Variants in FRMD4A observed in about 807,000 individuals in gnomAD.
The protein encoded by FRMD4A is FERM domain-containing protein 4A.
A neutral mutation model predicts 129.1 loss-of-function variants in FRMD4A; 29 were observed. The observed-to-expected ratio is 0.22, with a 90% CI of 0.17 to 0.31. The LOEUF (loss-of-function observed/expected upper bound fraction) is 0.31, where lower values mean the gene tolerates loss of function less well. Ranked by LOEUF, FRMD4A falls within the 10% of genes least tolerant of loss-of-function variation. The pLI, the probability that FRMD4A is intolerant of heterozygous loss-of-function variation, is 1.00. For missense variants in FRMD4A, 1,272 were observed against 1,375.8 expected, an observed-to-expected ratio of 0.92 and a Z score of 1.19; for synonymous variants, 634 against 571.6, an observed-to-expected ratio of 1.11 and a Z score of -1.56.
intron 2 of FRMD4A, among the ~76,000 whole-genome samples, chr10:13,984,011 A>C (rs979427902): frequency 6.6e-6 from 1 of 151,618 alleles, no homozygotes; most frequent in African/African-American, 2.4e-5. Flanking sequence ...TCAAAAAAAA[A>C]ACAACTGGGA....
chr10:14,185,948 G>C (rs1842130528), intron 2 of FRMD4A, among the ~76,000 whole-genome samples: 1 of 152,202 alleles, frequency 6.6e-6, no homozygotes, highest in African/African-American at 2.4e-5. Context: ...GCAGAATGAT[G>C]TGCATCAGGT....
intron 2 of FRMD4A, among the ~76,000 whole-genome samples, chr10:13,923,065 A>G (rs979554857): frequency 6.6e-6 from 1 of 152,180 alleles, no homozygotes; most frequent in East Asian, 1.9e-4. Flanking sequence ...TCCTGAAGGA[A>G]GTAATAAGGA....
intron 2 of FRMD4A, among the ~76,000 whole-genome samples, chr10:14,043,895 C>T (rs886288500): frequency 2.0e-5 from 3 of 152,160 alleles, no homozygotes; most frequent in African/African-American, 7.2e-5. Context: ...GGTGCAATCA[C>T]AGCTCACTAT....
intron 6 of FRMD4A, among the ~76,000 whole-genome samples, chr10:13,775,223 C>T (rs1013744481): frequency 6.6e-6 from 1 of 152,182 alleles, no homozygotes; most frequent in Non-Finnish European, 1.5e-5. Context: ...GTCACGTCTC[C>T]AGACTAAAAG....
At chr10:14,205,918 CTCTCAAGGTCCCCT>C (rs927451170) in intron 2 of FRMD4A, among the ~76,000 whole-genome samples, 1 of 151,940 alleles carries the variant, frequency 6.6e-6, no homozygotes, top group African/African-American at 2.4e-5. Flanking sequence ...TTAAAGTAGC[CTCTCAAGGTCCCCT>C]TCTCGTCGTG....
intron 17 of FRMD4A, 122 bp downstream of exon 17, chr10:13,670,284 T>C (rs1448090721): frequency 2.1e-6 from 2 of 957,232 alleles, no homozygotes; most frequent in Admixed American, 2.0e-5. Flanking sequence ...AGAAAAGGTA[T>C]GAGCGAAAAT....
chr10:14,180,304 A>G (rs1841871175), intron 2 of FRMD4A, among the ~76,000 whole-genome samples: 2 of 152,204 alleles, frequency 1.3e-5, no homozygotes, highest in South Asian at 4.1e-4. Context: ...ATGGTAGTAG[A>G]TAGCATCATT....
At chr10:13,898,589 G>T (rs1281791678) in intron 2 of FRMD4A, among the ~76,000 whole-genome samples, 2 of 152,170 alleles carry the variant, frequency 1.3e-5, no homozygotes, top group South Asian at 2.1e-4. Context: ...CAAGTGCCAG[G>T]TTCTTAACTC....
chr10:14,084,006 G>A (rs773932045), intron 2 of FRMD4A, among the ~76,000 whole-genome samples: 3 of 152,204 alleles, frequency 2.0e-5, no homozygotes, highest in Non-Finnish European at 2.9e-5. Flanking sequence ...AAACGGGCAC[G>A]TGTTTTAGCC....
chr10:14,061,581 T>A (rs1448837305), intron 2 of FRMD4A, among the ~76,000 whole-genome samples: 1 of 152,214 alleles, frequency 6.6e-6, no homozygotes, highest in Non-Finnish European at 1.5e-5. Context: ...TTTGTCAATT[T>A]CCTCCCTATC....
chr10:13,789,194 T>C (rs79912509), intron 5 of FRMD4A, among the ~76,000 whole-genome samples: 2,719 of 152,338 alleles, frequency 0.018, 30 homozygotes, highest in Non-Finnish European at 0.026. Context: ...AGCTGAAATA[T>C]AGCAAGTTCT....
At chr10:14,264,829 T>G (rs1218337) in intron 2 of FRMD4A, among the ~76,000 whole-genome samples, 53,903 of 151,996 alleles carry the variant, frequency 0.35, 10,895 homozygotes, top group African/African-American at 0.56. Flanking sequence ...TTGCCCAGGC[T>G]GGAGTGCAGT....
At chr10:14,184,778 G>C (rs1842032663) in intron 2 of FRMD4A, among the ~76,000 whole-genome samples, 1 of 152,142 alleles carries the variant, frequency 6.6e-6, no homozygotes, top group South Asian at 2.1e-4. Flanking sequence ...AAGAAGAGAA[G>C]TTTGGAGAAT....
At chr10:14,225,784 T>C (rs991802273) in intron 2 of FRMD4A, among the ~76,000 whole-genome samples, 1 of 152,252 alleles carries the variant, frequency 6.6e-6, no homozygotes, top group Admixed American at 6.5e-5. Flanking sequence ...GACAGACATG[T>C]GTATCTGTTC....
chr10:14,128,097 TTTC>T (rs750739664), intron 2 of FRMD4A, among the ~76,000 whole-genome samples: 5,001 of 82,528 alleles, frequency 0.061, 288 homozygotes, highest in Non-Finnish European at 0.081. Context: ...TCTTTCTTTC[TTTC>T]TTTCTTTTCT....
In FRMD4A at chr10:14,246,493, A is replaced by G. The variant is rs559907206; in HGVS notation, c.45+83565T>C. Among the ~76,000 whole-genome samples the G allele has an allele frequency of 2.4e-3, 365 of 152,314 alleles. 1 individual carries two copies. Among genetic ancestry groups the G allele is most frequent in the African/African-American group, 8.3e-3 (346 of 41,580 alleles). ...CAAACACACATACATATGCACACAC[A>G]TACACATGCATGCACTCATATGCAA... On this transcript the variant is annotated intron_variant, in intron 2 of 24. Transcript: ENST00000357447.
At chr10:13,915,205 A>G (rs1245860651) in intron 2 of FRMD4A, among the ~76,000 whole-genome samples, 3 of 152,218 alleles carry the variant, frequency 2.0e-5, no homozygotes, top group Non-Finnish European at 4.4e-5. Flanking sequence ...GGAAGTGTTC[A>G]GGTCCAGCTT....
chr10:13,731,475 C>A (rs967247148), intron 12 of FRMD4A, among the ~76,000 whole-genome samples: 1 of 152,032 alleles, frequency 6.6e-6, no homozygotes, highest in Non-Finnish European at 1.5e-5. Context: ...ATGGTGAAAC[C>A]CCGTCTCTAC....
intron 2 of FRMD4A, among the ~76,000 whole-genome samples, chr10:14,113,164 G>T (rs919032378): frequency 6.6e-6 from 1 of 152,160 alleles, no homozygotes; most frequent in African/African-American, 2.4e-5. Flanking sequence ...TTCAAAAATA[G>T]ATATACATAG....
Sources: gnomAD v4.1 joint callset for allele counts (sites outside exome capture counted in the v4.1 genomes callset) on GRCh38, gnomAD v4.1.1 for gene constraint, MANE v1.5 for transcripts, NCBI Gene and HGNC (gene_info 2026-07-23, HGNC 2026-07-21) for gene names.